Variants in KLHL1 observed in about 807,000 individuals in gnomAD.
The protein encoded by KLHL1 is kelch-like protein 1.
KLHL1 carries 47 observed loss-of-function variants against 77.7 expected under a neutral mutation model. The observed-to-expected ratio is 0.60, with a 90% CI of 0.48 to 0.77. The LOEUF (loss-of-function observed/expected upper bound fraction) is 0.77, where lower values mean the gene tolerates loss of function less well. KLHL1 is among the 30% of genes least tolerant of loss of function. KLHL1 has a pLI of 0.00. For synonymous variants in KLHL1, 360 were observed against 325.2 expected, an observed-to-expected ratio of 1.11 and a Z score of -1.15; for missense variants, 925 against 910.8, an observed-to-expected ratio of 1.02 and a Z score of -0.20.
At chr13:69,811,066 T>C (rs569432881) in intron 6 of KLHL1, among the ~76,000 whole-genome samples, 1 of 151,640 alleles carries the variant, frequency 6.6e-6, no homozygotes, top group African/African-American at 2.4e-5. Context: ...GTACCAATCT[T>C]ACTGAAACAA....
intron 4 of KLHL1, among the ~76,000 whole-genome samples, chr13:69,908,409 A>T (rs926349563): frequency 1.3e-5 from 2 of 151,710 alleles, no homozygotes; most frequent in African/African-American, 4.8e-5. Flanking sequence ...TGACAAAAAA[A>T]GTTCCTGAAA....
chr13:69,993,805 A>C (rs1273676910), intron 1 of KLHL1, among the ~76,000 whole-genome samples: 2 of 152,124 alleles, frequency 1.3e-5, no homozygotes, highest in African/African-American at 4.8e-5. Flanking sequence ...CTCAATGTAA[A>C]TACATTTTCC....
chr13:69,895,522 A>T (rs2138216734), intron 4 of KLHL1, among the ~76,000 whole-genome samples: 1 of 152,262 alleles, frequency 6.6e-6, no homozygotes, highest in South Asian at 2.1e-4. Context: ...TGCTGCTGTA[A>T]CAAATCACCA....
At chr13:69,826,320 C>A (rs1478108313) in intron 6 of KLHL1, among the ~76,000 whole-genome samples, 1 of 152,192 alleles carries the variant, frequency 6.6e-6, no homozygotes, top group Non-Finnish European at 1.5e-5. Context: ...TTGGTGAGAT[C>A]ATGCCTGTAA....
At chr13:69,884,806 T>C (rs949030488) in intron 4 of KLHL1, among the ~76,000 whole-genome samples, 3 of 152,212 alleles carry the variant, frequency 2.0e-5, no homozygotes, top group Admixed American at 2.0e-4. Flanking sequence ...TCTTTTTATT[T>C]GGCCTCCAGA....
chr13:69,844,100 A>C (rs1013992341), intron 5 of KLHL1, among the ~76,000 whole-genome samples: 2 of 151,526 alleles, frequency 1.3e-5, no homozygotes, highest in African/African-American at 4.8e-5. Flanking sequence ...ATTCTATAAA[A>C]ATAAAGTATT....
At chr13:70,023,659 T>G (rs977310442) in intron 1 of KLHL1, among the ~76,000 whole-genome samples, 1 of 151,942 alleles carries the variant, frequency 6.6e-6, no homozygotes, top group Non-Finnish European at 1.5e-5. Flanking sequence ...CCTTTCTTGT[T>G]TTGTCCCTGG....
chr13:70,008,675 C>G (rs1166274029), intron 1 of KLHL1, among the ~76,000 whole-genome samples: 2 of 152,188 alleles, frequency 1.3e-5, no homozygotes, highest in East Asian at 1.9e-4. Context: ...CCTCTTTTCT[C>G]TCACTCAAAT....
intron 4 of KLHL1, among the ~76,000 whole-genome samples, chr13:69,925,761 G>A (rs1205788845): frequency 6.6e-6 from 1 of 152,048 alleles, no homozygotes; most frequent in Admixed American, 6.6e-5. Flanking sequence ...ATTTTTTGTA[G>A]TGACTTTAGT....
At chr13:69,841,354 T>C (rs1251310136) in intron 5 of KLHL1, among the ~76,000 whole-genome samples, 1 of 151,562 alleles carries the variant, frequency 6.6e-6, no homozygotes. Context: ...GTTTGATAAA[T>C]AAAGTTGCAG....
intron 7 of KLHL1, among the ~76,000 whole-genome samples, chr13:69,751,076 C>T (rs1874456012): frequency 6.6e-6 from 1 of 150,902 alleles, no homozygotes; most frequent in African/African-American, 2.4e-5. Flanking sequence ...GCCTACTCTA[C>T]AAGCCTCTAA....
intron 5 of KLHL1, among the ~76,000 whole-genome samples, chr13:69,853,216 T>C (rs900684594): frequency 5.9e-5 from 9 of 152,116 alleles, no homozygotes; most frequent in South Asian, 4.1e-4. Flanking sequence ...CCACATGTCA[T>C]GGGAGGGACC....
At chr13:69,703,051 G>A (rs891390123) in intron 10 of KLHL1, among the ~76,000 whole-genome samples, 2 of 151,552 alleles carry the variant, frequency 1.3e-5, no homozygotes, top group Admixed American at 6.6e-5. Flanking sequence ...TTTATTATCT[G>A]ATGATTTTCA....
At chr13:70,078,052 CT>C (rs1429686992) in intron 1 of KLHL1, among the ~76,000 whole-genome samples, 1 of 151,862 alleles carries the variant, frequency 6.6e-6, no homozygotes, top group East Asian at 1.9e-4. Context: ...TCTAAATGAT[CT>C]TTTTTCTTTT....
intron 6 of KLHL1, among the ~76,000 whole-genome samples, chr13:69,803,397 T>C (rs764536054): frequency 1.3e-4 from 20 of 152,182 alleles, no homozygotes; most frequent in Non-Finnish European, 2.1e-4. Context: ...TAGAGCCCAC[T>C]CTGAGAAACA....
At chr13:69,745,000 C>T (rs1178994194) in intron 7 of KLHL1, among the ~76,000 whole-genome samples, 1 of 151,708 alleles carries the variant, frequency 6.6e-6, no homozygotes, top group Non-Finnish European at 1.5e-5. Flanking sequence ...ATAGAATATA[C>T]TTACATTGAA....
chr13:69,841,181 C>G (rs753641309), intron 5 of KLHL1, among the ~76,000 whole-genome samples: 9 of 151,646 alleles, frequency 5.9e-5, no homozygotes, highest in Admixed American at 1.3e-4. Context: ...AATATCACAT[C>G]TCATATTCAA....
chr13:69,950,656 T>A (rs2137254066), intron 3 of KLHL1, among the ~76,000 whole-genome samples: 1 of 151,820 alleles, frequency 6.6e-6, no homozygotes, highest in South Asian at 2.1e-4. Flanking sequence ...AGCACCAGAC[T>A]TATCACAGAT....
Position 69,881,566 on chromosome 13 carries a change from T to C in KLHL1, c.1227+717A>G, listed in dbSNP as rs9572301. 1.7e-4 allele frequency among the ~76,000 whole-genome samples: 26 copies of C among 152,312 alleles called. No homozygotes were observed. In the East Asian group the frequency reaches 4.6e-3, roughly 27 times the overall value. ...GCCAGAAACCCTGAATTAACAATGC[T>C]GTACATAGAGAATTTTGTAGCAAAT... On this transcript the variant is annotated intron_variant, in intron 5 of 10. Transcript: ENST00000377844.
Sources: allele counts gnomAD v4.1 joint callset (sites outside exome capture counted in the v4.1 genomes callset), GRCh38; gene constraint gnomAD v4.1.1; transcripts MANE v1.5; gene names NCBI Gene and HGNC (gene_info 2026-07-23, HGNC 2026-07-21).